Variants in ZNF133 observed in about 807,000 individuals in gnomAD.
The protein encoded by ZNF133 is zinc finger protein 133 (clone pHZ-13).
Under a neutral mutation model 54.9 loss-of-function variants are expected in ZNF133, and 26 were observed. The ratio of observed to expected loss-of-function variants is 0.47; its 90% confidence interval spans 0.35 to 0.66. The LOEUF is 0.66. Ranked by LOEUF, ZNF133 falls within the 30% of genes least tolerant of loss-of-function variation. The pLI is 0.01. For missense variants in ZNF133, 653 were observed against 820.8 expected (o/e 0.80, Z 2.50); for synonymous variants, 298 against 320.3 (o/e 0.93, Z 0.74).
At chr20:18,301,543 A>C (rs1285584072) in intron 3 of ZNF133, among the ~76,000 whole-genome samples, 1 of 152,230 alleles carries the variant, frequency 6.6e-6, no homozygotes, top group Non-Finnish European at 1.5e-5. Flanking sequence ...AGAAAATAAG[A>C]AAACTCAAAT....
At chr20:18,289,142 A>G (rs1460982929) in intron 1 of ZNF133, among the ~76,000 whole-genome samples, 1 of 152,084 alleles carries the variant, frequency 6.6e-6, no homozygotes, top group Non-Finnish European at 1.5e-5. Context: ...TGACCAAACA[A>G]GCCAAGGTTA....
At chr20:18,294,710 T>C (rs1278955121) in intron 1 of ZNF133, among the ~76,000 whole-genome samples, 4 of 152,228 alleles carry the variant, frequency 2.6e-5, no homozygotes, top group Non-Finnish European at 5.9e-5. Context: ...AAGAGTATCT[T>C]ACATGTAGAG....
At chr20:18,296,932 G>GT (rs1204909051) in intron 1 of ZNF133, among the ~76,000 whole-genome samples, 2 of 152,174 alleles carry the variant, frequency 1.3e-5, no homozygotes, top group Non-Finnish European at 2.9e-5. Context: ...TAGAACTCAT[G>GT]TTTTTTGTTT....
intron 5 of ZNF133, 51 bp from the exon 6 acceptor site, chr20:18,306,247 T>C (rs1363770684): frequency 1.3e-6 from 2 of 1,548,782 alleles, no homozygotes; most frequent in South Asian, 1.2e-5. Context: ...AATTCTTGAA[T>C]GGGCTCTTGA....
At chr20:18,290,925 G>C (rs1600311896) in intron 1 of ZNF133, among the ~76,000 whole-genome samples, 1 of 152,212 alleles carries the variant, frequency 6.6e-6, no homozygotes, top group African/African-American at 2.4e-5. Context: ...TCAGGAGTTC[G>C]AGACCAGCCT....
At chr20:18,306,460 G>C (rs41276428) in intron 6 of ZNF133, 67 bp downstream of exon 6, 109,806 of 1,502,592 alleles carry the variant, frequency 0.073, 5,346 homozygotes, top group African/African-American at 0.19. Context: ...GGGAGAGGAG[G>C]CGTTGCTCAG....
At chr20:18,310,684 C>T (rs1320307587) in intron 6 of ZNF133, among the ~76,000 whole-genome samples, 1 of 152,074 alleles carries the variant, frequency 6.6e-6, no homozygotes, top group Non-Finnish European at 1.5e-5. Context: ...TTCAAGAGAT[C>T]TATTGTATAA....
chr20:18,315,936 G>T lies in ZNF133; in HGVS notation c.1085G>T (p.Gly362Val), dbSNP rs762887433. 28 of 1,614,118 alleles carry T rather than the reference G, an allele frequency of 1.7e-5. No homozygotes were observed. Among genetic ancestry groups the T allele is most frequent in the Non-Finnish European group, 2.4e-5 (28 of 1,180,024 alleles). Residue 362 changes from glycine (G) to valine (V), a missense_variant, in exon 7 of 7, where the codon GGC becomes GTC. Gly to Val is a moderately radical substitution (Grantham distance 109). Coordinates refer to ENST00000425686, the MANE Select transcript of ZNF133 (RefSeq NM_001352452.2). Reference protein sequence around the residue: ...KTIVCSDCGLGFSDRSNLISH... With the variant: ...KTIVCSDCGLVFSDRSNLISH... The stretch of plus-strand genomic sequence containing the variant: ...ATCGTGTGCAGTGACTGTGGCCTGG[G>T]CTTCAGCGACAGGTCAAACCTCATC...
chr20:18,304,444 C>G (rs1261473849), intron 3 of ZNF133, among the ~76,000 whole-genome samples: 2 of 152,180 alleles, frequency 1.3e-5, no homozygotes, highest in Non-Finnish European at 2.9e-5. Flanking sequence ...AATATTTATA[C>G]AACCATGTGC....
At chr20:18,293,340 T>G (rs143394664) in intron 1 of ZNF133, among the ~76,000 whole-genome samples, 54 of 152,324 alleles carry the variant, frequency 3.5e-4, no homozygotes, top group Admixed American at 3.2e-3. Flanking sequence ...GTGGGTTCCA[T>G]CACATATTTT....
chr20:18,298,443 C>T lies in ZNF133; in HGVS notation c.-199C>T. The T allele has an allele frequency of 1.6e-6, 1 of 609,462 alleles. No individual in the cohort carries two copies. The allele number at this position is 609,462 out of a possible 1,614,324, so 37.8% of individuals were successfully genotyped here. On this transcript the variant is annotated 5_prime_UTR_variant, in exon 3 of 7. Transcript: ENST00000425686. The stretch of plus-strand genomic sequence containing the variant: ...AGTCTAGTTGAAGGCCTCCAGTTCC[C>T]AGGGGGAAGGAAGCATGGAGGGTAA...
At chr20:18,296,056 C>T (rs1351867737) in intron 1 of ZNF133, among the ~76,000 whole-genome samples, 1 of 152,102 alleles carries the variant, frequency 6.6e-6, no homozygotes, top group Admixed American at 6.5e-5. Context: ...ATGATATGAT[C>T]AGCAACCTTT....
intron 6 of ZNF133, among the ~76,000 whole-genome samples, chr20:18,309,270 A>G (rs142263720): frequency 1.3e-5 from 2 of 152,358 alleles, no homozygotes; most frequent in African/African-American, 4.8e-5. Flanking sequence ...AACTCAGTCC[A>G]TAACAGCATC....
rs139378991 is a variant in ZNF133 at position 18,316,681 on chromosome 20, G to A, written c.1830G>A (p.Thr610=). ...HTGEKPYVCK[T]CGRGFSLKSH... ...GGGAGAAGCCATATGTGTGCAAGAC[G>A]TGTGGGCGGGGCTTCAGCCTCAAGT... Residue 610 remains threonine, a synonymous_variant, in exon 7 of 7, where the codon ACG becomes ACA. Transcript: ENST00000425686. The A allele has an allele frequency of 3.7e-6, 6 of 1,614,006 alleles. No individual in the cohort carries two copies. Among genetic ancestry groups the A allele is most frequent in the South Asian group, 1.1e-5 (1 of 91,074 alleles).
chr20:18,300,203 G>A (rs1198606981), intron 3 of ZNF133, among the ~76,000 whole-genome samples: 4 of 152,148 alleles, frequency 2.6e-5, no homozygotes. Flanking sequence ...AGTTGGAGAT[G>A]GAGCTGTATA....
intron 3 of ZNF133, among the ~76,000 whole-genome samples, chr20:18,300,034 C>A (rs945849806): frequency 6.6e-6 from 1 of 152,116 alleles, no homozygotes; most frequent in African/African-American, 2.4e-5. Context: ...AAGGTTAATA[C>A]ACAGGTAGTA....
At chr20:18,313,932 A>G (rs1311864755) in intron 6 of ZNF133, 1 of 152,238 alleles carries the variant, frequency 6.6e-6, no homozygotes, top group African/African-American at 2.4e-5. Flanking sequence ...TCTGTCTGTC[A>G]TCAAAGCCTG....
chr20:18,298,397 G>T lies in ZNF133; in HGVS notation c.-245G>T. On this transcript the variant is annotated 5_prime_UTR_variant, in exon 3 of 7. Transcript: ENST00000425686. ...ATTATACTGGCAGGATCTATCAGGT[G>T]TACCTATTTTGGAACTCTGGAGTCT... 9.1e-7 allele frequency: 1 copy of T among 1,094,950 alleles called. No homozygotes were observed. Among genetic ancestry groups the T allele is most frequent in the Non-Finnish European group, 1.1e-6 (1 of 889,342 alleles). 67.8% of individuals were successfully genotyped at this position (1,094,950 alleles called of 1,614,324 possible). A position where few individuals can be genotyped will look rare whatever the true frequency, so the allele number is the denominator to read the frequency against.
intron 6 of ZNF133, among the ~76,000 whole-genome samples, chr20:18,308,814 G>T (rs981586862): frequency 6.6e-6 from 1 of 152,188 alleles, no homozygotes; most frequent in Admixed American, 6.5e-5. Flanking sequence ...TTGCTCAGGG[G>T]TTGACTGAGG....
Sources: gnomAD v4.1 joint callset for allele counts (sites outside exome capture counted in the v4.1 genomes callset) on GRCh38, gnomAD v4.1.1 for gene constraint, MANE v1.5 for transcripts, NCBI Gene and HGNC (gene_info 2026-07-23, HGNC 2026-07-21) for gene names.